PRDM15: variants seen among roughly 807,000 people sequenced by gnomAD.
PRDM15 encodes PR/SET domain 15, also known as PR domain zinc finger protein 15.
In PRDM15, 64 loss-of-function variants were observed where a neutral mutation model predicts 128.6. The observed-to-expected ratio is 0.50, with a 90% CI of 0.41 to 0.61. The LOEUF is 0.61. Among genes scored for constraint, PRDM15 ranks in the 20% least tolerant of loss-of-function variants. PRDM15 has a pLI of 0.00. For missense variants in PRDM15, 1,242 were observed against 1,569.1 expected (o/e 0.79, Z 3.52); for synonymous variants, 615 against 621.8 (o/e 0.99, Z 0.16).
Position 41,821,029 on chromosome 21 carries a change from C to T in PRDM15, c.2060+38G>A. ...CTTTGCAAGGAAGCATGTCCCCTCTCTCCTGACACAACCCGGGAGCCCCCG... is the reference window on the plus strand; with the variant it reads ...CTTTGCAAGGAAGCATGTCCCCTCTTTCCTGACACAACCCGGGAGCCCCCG... On this transcript the variant is annotated intron_variant, in intron 16 of 23. Coordinates refer to ENST00000398548, the MANE Select transcript of PRDM15 (RefSeq NM_001040424.3). The surrounding 1 kb of genome is among the most constrained non-coding windows in gnomAD (Gnocchi z 5.4). 7 of 1,613,696 alleles carry T rather than the reference C, an allele frequency of 4.3e-6. No individual in the cohort carries two copies. The highest frequency in any genetic ancestry group is 1.3e-5 in the African/African-American group (1 of 75,028).
At position 41,859,433 on chromosome 21, in the gene PRDM15, C is replaced by T. The variant is rs1192313237; in HGVS notation, c.131+159G>A. Among the ~76,000 whole-genome samples, 2 of 152,218 alleles carry T rather than the reference C, an allele frequency of 1.3e-5. No individual in the cohort carries two copies. The highest frequency in any genetic ancestry group is 1.5e-5 in the Non-Finnish European group (1 of 68,036). On this transcript the variant is annotated intron_variant, in intron 3 of 23. Transcript: ENST00000398548. The surrounding 1 kb of genome is among the most constrained non-coding windows in gnomAD (Gnocchi z 5.3). ...GTGTTTTGGTGTGTCCCGGCAGCAACGCTGCTCAGTTCACAGTGGGAGCGG... is the reference window on the plus strand; with the variant it reads ...GTGTTTTGGTGTGTCCCGGCAGCAATGCTGCTCAGTTCACAGTGGGAGCGG...
chr21:41,840,250 GC>G lies in PRDM15; in HGVS notation c.641-398del, dbSNP rs564685900. On this transcript the variant is annotated intron_variant, in intron 6 of 23. Transcript: ENST00000398548. ...ACATGAGGTCAGGAGTTCAAGACCA[GC>G]CTGGCAAACATGGTGAAAACCCATC... is the stretch of plus-strand genomic sequence containing the variant. 6.8e-4 allele frequency among the ~76,000 whole-genome samples: 103 copies of G among 152,226 alleles called. 2 individuals carry two copies. The South Asian group carries it at 0.018, about 26-fold the overall frequency.
In PRDM15 at chr21:41,836,184, C is replaced by T; in HGVS notation, c.1207G>A (p.Glu403Lys). The T allele has an allele frequency of 1.2e-6, 2 of 1,614,098 alleles. No individual in the cohort carries two copies. Among genetic ancestry groups the T allele is most frequent in the Non-Finnish European group, 8.5e-7 (1 of 1,180,008 alleles). Residue 403 changes from glutamate (E) to lysine (K), a missense_variant, in exon 10 of 24, where the codon GAG (glutamate) becomes AAG (lysine). Physicochemically the swap from Glu to Lys is moderately conservative, Grantham distance 56 (BLOSUM62 1). Around this residue, in one of 3 missense-constraint regions of PRDM15, gnomAD observed 612 missense variants for 717.0 expected, o/e 0.85. Transcript: ENST00000398548. ...TTGCGGCTGAACAATTTTGCACACTCTTCGCACTTAAACAGCTTGTCACCT... is the reference window on the plus strand; with the variant it reads ...TTGCGGCTGAACAATTTTGCACACTTTTCGCACTTAAACAGCTTGTCACCT... ...SHGDKLFKCEECAKLFSRKES... is the reference protein window; with the variant it reads ...SHGDKLFKCEKCAKLFSRKES...
rs2061556428 is a variant in PRDM15 at position 41,805,986 on chromosome 21, T to TATCACCACCACC, written c.2653-1384_2653-1373dup. On this transcript the variant is annotated intron_variant, in intron 21 of 23. Coordinates refer to ENST00000398548, the MANE Select transcript of PRDM15 (RefSeq NM_001040424.3). ...CCACCACTGCCATTCCTATCACCAC[T>TATCACCACCACC]ATCACCACCACCACCACCATCACCA... Among the ~76,000 whole-genome samples the TATCACCACCACC allele has an allele frequency of 1.3e-3, 12 of 9,448 alleles. 1 individual carries two copies. 6.2% of individuals were successfully genotyped at this position (9,448 alleles called of 152,430 possible).
Position 41,821,002 on chromosome 21 carries a change from C to G in PRDM15, c.2060+65G>C, listed in dbSNP as rs1041062853. Reference sequence around the variant, plus strand: ...ACAAATGGCTCCTTATAGCATGTGTCTCTTTGCAAGGAAGCATGTCCCCTC... The same window carrying G: ...ACAAATGGCTCCTTATAGCATGTGTGTCTTTGCAAGGAAGCATGTCCCCTC... On this transcript the variant is annotated intron_variant, in intron 16 of 23. Transcript: ENST00000398548. The surrounding 1 kb of genome is among the most constrained non-coding windows in gnomAD (Gnocchi z 5.4). 2 of 1,597,982 alleles carry G rather than the reference C, an allele frequency of 1.3e-6. No individual in the cohort carries two copies. Among genetic ancestry groups the G allele is most frequent in the Non-Finnish European group, 1.7e-6 (2 of 1,166,046 alleles).
chr21:41,861,397 A>G (rs1569005989), intron 1 of PRDM15, among the ~76,000 whole-genome samples: 1 of 152,188 alleles, frequency 6.6e-6, no homozygotes, highest in Non-Finnish European at 1.5e-5. Flanking sequence ...CACAGGGTGG[A>G]TCTAGACATT....
At chr21:41,871,715 T>A in intron 1 of PRDM15, 5 of 1,376,326 alleles carry the variant, frequency 3.6e-6, no homozygotes, top group Non-Finnish European at 3.9e-6. Context: ...ACAGTGGTCC[T>A]CTGTTGTTAC....
intron 18 of PRDM15, among the ~76,000 whole-genome samples, chr21:41,819,300 CT>C (rs2146363196): frequency 6.6e-6 from 1 of 152,218 alleles, no homozygotes; most frequent in East Asian, 1.9e-4. Context: ...CTGGCTGAGC[CT>C]GGCCCGTGGC....
In PRDM15 at chr21:41,819,649, G is replaced by A; in HGVS notation, c.2193C>T (p.Asp731=). ...GCACACGCATGTGCTCCTTCAGCATGTCCTTCCTGGCAAAGGACTTCCCAC... is the reference window on the plus strand; with the variant it reads ...GCACACGCATGTGCTCCTTCAGCATATCCTTCCTGGCAAAGGACTTCCCAC... ...EQCGKSFARK[D]MLKEHMRVHD... is the part of the protein sequence containing the mutation. Residue 731 remains aspartate, a synonymous_variant, in exon 18 of 24, where the codon GAC becomes GAT. Coordinates refer to ENST00000398548, the MANE Select transcript of PRDM15 (RefSeq NM_001040424.3). 2 of 1,610,700 alleles carry A rather than the reference G, an allele frequency of 1.2e-6. No individual in the cohort carries two copies. The highest frequency in any genetic ancestry group is 2.2e-5 in the South Asian group (2 of 90,566).
chr21:41,819,479 C>T (rs1382841012), intron 18 of PRDM15, 103 bp downstream of exon 18: 1 of 1,089,834 alleles, frequency 9.2e-7, no homozygotes, highest in East Asian at 3.3e-5. Context: ...CCCGCCACAC[C>T]CACCTTCCCC....
intron 21 of PRDM15, among the ~76,000 whole-genome samples, chr21:41,806,999 C>CCAG (rs2061701050): frequency 2.0e-5 from 3 of 151,162 alleles, no homozygotes; most frequent in Admixed American, 6.6e-5. Context: ...CCCATCACCT[C>CCAG]TACCACCACC....
intron 5 of PRDM15, among the ~76,000 whole-genome samples, chr21:41,848,075 C>T (rs896538826): frequency 7.9e-5 from 12 of 152,248 alleles, no homozygotes; most frequent in African/African-American, 2.7e-4. Context: ...GGACCCCTGC[C>T]CATCACTTCG....
rs757379833 is a variant in PRDM15 at position 41,859,615 on chromosome 21, G to A, written c.108C>T (p.Asp36=). ...PELGPVVMVK[D]SFVLSRARSS... is the part of the protein sequence containing the mutation. ...ACCTTGCCCTGCTTAACACAAAGGA[G>A]TCTTTGACCATGACCACTGGGCCCA... is the stretch of plus-strand genomic sequence containing the variant. Residue 36 remains aspartate, a synonymous_variant, in exon 3 of 24, where the codon GAC becomes GAT. Coordinates refer to ENST00000398548, the MANE Select transcript of PRDM15 (RefSeq NM_001040424.3). The surrounding 1 kb of genome is among the most constrained non-coding windows in gnomAD (Gnocchi z 5.3). 1 of 1,614,046 alleles carries A rather than the reference G, an allele frequency of 6.2e-7. No individual in the cohort carries two copies. The highest frequency in any genetic ancestry group is 1.1e-5 in the South Asian group (1 of 91,082).
chr21:41,805,852 C>G (rs1408393405), intron 21 of PRDM15, among the ~76,000 whole-genome samples: 1 of 150,582 alleles, frequency 6.6e-6, no homozygotes, highest in Non-Finnish European at 1.5e-5. Context: ...ACAACCACCT[C>G]CATCACCATT....
intron 1 of PRDM15, among the ~76,000 whole-genome samples, chr21:41,861,374 A>C (rs1389672561): frequency 1.3e-5 from 2 of 152,146 alleles, no homozygotes; most frequent in African/African-American, 4.8e-5. Context: ...GACACCCCCC[A>C]CACACATATA....
chr21:41,851,757 A>T (rs2063436803), intron 5 of PRDM15, among the ~76,000 whole-genome samples: 1 of 152,200 alleles, frequency 6.6e-6, no homozygotes, highest in South Asian at 2.1e-4. Flanking sequence ...AAGGGAAGGA[A>T]GGACCCAACC....
At chr21:41,806,403 C>T (rs866352088) in intron 21 of PRDM15, among the ~76,000 whole-genome samples, 14 of 30,804 alleles carry the variant, frequency 4.5e-4, no homozygotes, top group African/African-American at 8.3e-4. Context: ...ATCACCACCA[C>T]CACCACCATC....
intron 6 of PRDM15, among the ~76,000 whole-genome samples, chr21:41,841,640 T>G (rs1286840696): frequency 6.6e-6 from 1 of 151,946 alleles, no homozygotes; most frequent in African/African-American, 2.4e-5. Flanking sequence ...CAGAGCAAAT[T>G]AGAAAATACT....
chr21:41,816,765 C>T (rs1040094663), intron 18 of PRDM15, among the ~76,000 whole-genome samples: 3 of 152,146 alleles, frequency 2.0e-5, no homozygotes, highest in Non-Finnish European at 4.4e-5. Context: ...AAAGGCCCCA[C>T]GATGAAGCCC....
Sources: gnomAD v4.1 joint callset for allele counts (sites outside exome capture counted in the v4.1 genomes callset) on GRCh38, gnomAD v4.1.1 for gene constraint, gnomAD v4.1.1 regional missense constraint, Gnocchi (gnomAD v3.1) non-coding constraint, MANE v1.5 for transcripts, NCBI Gene and HGNC (gene_info 2026-07-23, HGNC 2026-07-21) for gene names.